Variants in DNAH17 observed in about 807,000 individuals in gnomAD.
DNAH17 encodes the protein axonemal beta dynein heavy chain 17.
In DNAH17, 376 loss-of-function variants were observed where a neutral mutation model predicts 485.6. The ratio of observed to expected loss-of-function variants is 0.77; its 90% CI spans 0.71 to 0.84. The LOEUF is 0.84. Ranked by LOEUF, DNAH17 falls within the 40% of genes least tolerant of loss-of-function variation. The probability of loss-of-function intolerance (pLI) is 0.00; values close to 1 mark genes in which losing one functional copy is unlikely to be tolerated. For missense variants in DNAH17, 6,370 were observed against 5,839.3 expected, an observed-to-expected ratio of 1.09 and a Z score of -2.96; for synonymous variants, 3,031 against 2,405.9, an observed-to-expected ratio of 1.26 and a Z score of -7.60.
rs74001390 is a variant in DNAH17, at chr17:78,502,486, C to T, written c.5190+105G>A. The T allele has an allele frequency of 7.3e-3, 8,204 of 1,121,612 alleles. 367 individuals carry two copies. In the African/African-American group the frequency reaches 0.1, roughly 14 times the overall value. The allele number at this position is 1,121,612 out of a possible 1,614,324, so 69.5% of individuals were successfully genotyped here. ...CGGGGCTCAGCCTCCGAGAAGAAGC[C>T]GCTCCAGGTACTCGCCCGGCAGGTT... On this transcript the variant is annotated intron_variant, in intron 33 of 80. Transcript: ENST00000389840.
At chr17:78,566,844 G>A in intron 10 of DNAH17, 114 bp from the exon 11 acceptor site, 1 of 1,286,202 alleles carries the variant, frequency 7.8e-7, no homozygotes, top group South Asian at 1.4e-5. Context: ...AGCTGAATGT[G>A]CTGTTGCGGG....
chr17:78,522,627 G>T, intron 25 of DNAH17: 1 of 252,486 alleles, frequency 4.0e-6, no homozygotes, highest in Non-Finnish European at 7.8e-6. Context: ...TCACCCATGA[G>T]TGCCCAGGCC....
In DNAH17 at chr17:78,437,881, C is replaced by T; in HGVS notation, c.11806-13G>A. On this transcript the variant is annotated splice_polypyrimidine_tract_variant and intron_variant, in intron 73 of 80. Transcript: ENST00000389840. ...CCAGGTGGATATTCTGCAGCCAAGA[C>T]TAGAGGCTGGTTACACACTTTGCCC... 6 of 1,595,476 alleles carry T rather than the reference C, an allele frequency of 3.8e-6. No homozygotes were observed. Among genetic ancestry groups the T allele is most frequent in the Non-Finnish European group, 3.4e-6 (4 of 1,167,916 alleles).
chr17:78,481,614 C>G (rs2089354588), intron 48 of DNAH17, among the ~76,000 whole-genome samples: 1 of 152,058 alleles, frequency 6.6e-6, no homozygotes, highest in African/African-American at 2.4e-5. Flanking sequence ...ATAAAATGAG[C>G]TAACATATGA....
chr17:78,424,290 ACGGCTGGAAGCAGAGG>A lies in DNAH17; in HGVS notation c.13142-153_13142-138del, dbSNP rs1387743127. 6 of 1,153,506 alleles carry A rather than the reference ACGGCTGGAAGCAGAGG, an allele frequency of 5.2e-6. No homozygotes were observed. The East Asian group carries it at 1.3e-4, about 25-fold the overall frequency. The allele number at this position is 1,153,506 out of a possible 1,614,324, so 71.5% of individuals were successfully genotyped here. On this transcript the variant is annotated intron_variant, in intron 80 of 80. Transcript: ENST00000389840. ...CCCAAAAGGCTTCAGGCCAGCTGCC[ACGGCTGGAAGCAGAGG>A]CCTTCGTAGGTGATGGCCTGCATGT...
At chr17:78,444,063 G>A (rs1302723015) in intron 71 of DNAH17, among the ~76,000 whole-genome samples, 3 of 152,222 alleles carry the variant, frequency 2.0e-5, no homozygotes, top group Non-Finnish European at 4.4e-5. Flanking sequence ...AATCAGAACA[G>A]TTCTCTTGCA....
At chr17:78,469,223 G>A (rs1460051690) in intron 54 of DNAH17, among the ~76,000 whole-genome samples, 1 of 151,962 alleles carries the variant, frequency 6.6e-6, no homozygotes, top group Admixed American at 6.6e-5. Context: ...CTCACTGCAA[G>A]CTCCACCTCC....
chr17:78,439,392 C>T (rs1054556141), intron 72 of DNAH17, among the ~76,000 whole-genome samples, 175 bp from the exon 73 acceptor site: 1 of 152,134 alleles, frequency 6.6e-6, no homozygotes, highest in Non-Finnish European at 1.5e-5. Context: ...AGTGCACCGA[C>T]ATTCAGTATA....
In DNAH17 at chr17:78,459,231, G is replaced by A. The variant is rs76383001; in HGVS notation, c.9654-23C>T. On this transcript the variant is annotated intron_variant, in intron 60 of 80. Coordinates refer to ENST00000389840, the MANE Select transcript of DNAH17 (RefSeq NM_173628.4). ...GGCCTAGCGAGGGAACCAGAGGGCC[G>A]GAGTCGTCACCCTGTCCTGCTCTGG... The A allele has an allele frequency of 7.9e-4, 1,274 of 1,609,566 alleles. 12 individuals are homozygous for A. The East Asian group carries it at 0.025, about 32-fold the overall frequency.
intron 37 of DNAH17, among the ~76,000 whole-genome samples, chr17:78,497,187 G>A (rs1219516415): frequency 6.6e-6 from 1 of 152,208 alleles, no homozygotes; most frequent in Non-Finnish European, 1.5e-5. Flanking sequence ...CAGCTACGAG[G>A]TTAAACCTAG....
In DNAH17 at chr17:78,472,331, G is replaced by A. The variant is rs1466643979; in HGVS notation, c.8511+2947C>T. On this transcript the variant is annotated intron_variant, in intron 54 of 80. Coordinates refer to ENST00000389840, the MANE Select transcript of DNAH17 (RefSeq NM_173628.4). Reference sequence around the variant, plus strand: ...GCGAGGGTTAGGGTTAGGGAATGGGGGTGCGAGGATTAGGGTTAGGATTTG... The same window carrying A: ...GCGAGGGTTAGGGTTAGGGAATGGGAGTGCGAGGATTAGGGTTAGGATTTG... Among the ~76,000 whole-genome samples the A allele has an allele frequency of 2.8e-5, 4 of 141,540 alleles. No individual in the cohort carries two copies. The East Asian group carries it at 5.8e-4, about 21-fold the overall frequency. The allele number at this position is 141,540 out of a possible 152,430, so 92.9% of individuals were successfully genotyped here.
chr17:78,555,635 G>A (rs955371453), intron 14 of DNAH17, among the ~76,000 whole-genome samples: 2 of 150,910 alleles, frequency 1.3e-5, no homozygotes, highest in Admixed American at 6.6e-5. Context: ...GATGTGCTTC[G>A]AACATGAAAT....
chr17:78,551,568 T>C lies in DNAH17; in HGVS notation c.2358A>G (p.Lys786=). The C allele has an allele frequency of 6.2e-7, 1 of 1,614,038 alleles. No homozygotes were observed. The highest frequency in any genetic ancestry group is 8.5e-7 in the Non-Finnish European group (1 of 1,179,908). Residue 786 remains lysine (K), a synonymous_variant, in exon 16 of 81, where the codon AAA becomes AAG. Coordinates refer to ENST00000389840, the MANE Select transcript of DNAH17 (RefSeq NM_173628.4). ...CCTGGGAAATTCCTTCTATATTTTG[T>C]TTTGCCTTTTGCATCCTGTTCTGCA... The part of the protein sequence containing the change: ...HNLQNRMQKA[K]QNIEGISQAM...
At chr17:78,500,031 A>T in intron 36 of DNAH17, 1 of 402,194 alleles carries the variant, frequency 2.5e-6, no homozygotes, top group Non-Finnish European at 4.5e-6. Context: ...AGTTCGGGGC[A>T]ATCTTAACAA....
intron 61 of DNAH17, 51 bp downstream of exon 61, chr17:78,458,950 C>G: frequency 6.3e-7 from 1 of 1,589,124 alleles, no homozygotes; most frequent in South Asian, 1.1e-5. Context: ...ACTGGCAGCG[C>G]GAGCAAGCGG....
At chr17:78,505,182 G>A (rs572823008) in intron 31 of DNAH17, 111 bp downstream of exon 31, 2 of 1,417,082 alleles carry the variant, frequency 1.4e-6, no homozygotes, top group Admixed American at 2.1e-5. Flanking sequence ...GGGCGGGCTG[G>A]CAGCTGCACA....
intron 75 of DNAH17, among the ~76,000 whole-genome samples, chr17:78,432,343 C>T (rs1279367794): frequency 6.6e-6 from 1 of 152,070 alleles, no homozygotes. Flanking sequence ...AGATCCGGGT[C>T]TTGTTCTGGG....
At chr17:78,438,879 T>C (rs1431017418) in intron 73 of DNAH17, among the ~76,000 whole-genome samples, 1 of 152,138 alleles carries the variant, frequency 6.6e-6, no homozygotes, top group African/African-American at 2.4e-5. Flanking sequence ...AATCCACGCT[T>C]TCCTCTGGGC....
chr17:78,501,012 C>T (rs183569459), intron 35 of DNAH17, 172 bp downstream of exon 35: 24 of 698,112 alleles, frequency 3.4e-5, no homozygotes, highest in Non-Finnish European at 4.7e-5. Context: ...GCCACACAGC[C>T]GGTGCTAGAA....
Sources: allele counts gnomAD v4.1 joint callset (sites outside exome capture counted in the v4.1 genomes callset), GRCh38; gene constraint gnomAD v4.1.1; transcripts MANE v1.5; gene names NCBI Gene and HGNC (gene_info 2026-07-23, HGNC 2026-07-21).